PRKAG2: variants seen among roughly 807,000 people sequenced by gnomAD.
PRKAG2 encodes 5'-AMP-activated protein kinase subunit gamma-2.
Under a neutral mutation model 69.6 loss-of-function variants are expected in PRKAG2, and 26 were observed. The ratio of observed to expected loss-of-function variants is 0.37; its 90% CI spans 0.27 to 0.52. The LOEUF is 0.52. PRKAG2 is among the 20% of genes least tolerant of loss of function. PRKAG2 has a pLI of 0.90. For missense variants in PRKAG2, 557 were observed against 740.0 expected, an observed-to-expected ratio of 0.75 and a Z score of 2.87; for synonymous variants, 293 against 285.0, an observed-to-expected ratio of 1.03 and a Z score of -0.28.
chr7:151,586,673 A>G (rs1424170906), intron 6 of PRKAG2, among the ~76,000 whole-genome samples: 1 of 152,208 alleles, frequency 6.6e-6, no homozygotes, highest in East Asian at 1.9e-4. Flanking sequence ...TTTCCTTGAT[A>G]ATGAACAAAG....
At chr7:151,716,389 C>T (rs1248568166) in intron 3 of PRKAG2, among the ~76,000 whole-genome samples, 1 of 152,132 alleles carries the variant, frequency 6.6e-6, no homozygotes, top group Non-Finnish European at 1.5e-5. Flanking sequence ...ACCCTGGGCA[C>T]CTGTTAGAGA....
chr7:151,736,017 G>A (rs1448242013), intron 3 of PRKAG2: 2 of 1,536,066 alleles, frequency 1.3e-6, no homozygotes, highest in African/African-American at 2.7e-5. Flanking sequence ...CACAGGAGTG[G>A]CGACAGGTGA....
chr7:151,800,465 C>T (rs554631259), intron 1 of PRKAG2, among the ~76,000 whole-genome samples: 1 of 152,254 alleles, frequency 6.6e-6, no homozygotes, highest in South Asian at 2.1e-4. Context: ...AAGGCCTTCC[C>T]AAAACAAATT....
rs181965621 is a variant in PRKAG2, at chr7:151,587,107, C to T, written c.864+8238G>A. ...AGTGAGCCGAGATTGCGCCACTGAACTCCAGCCTGGGCGACAGAGCGAGAC... is the reference window on the plus strand; with the variant it reads ...AGTGAGCCGAGATTGCGCCACTGAATTCCAGCCTGGGCGACAGAGCGAGAC... On this transcript the variant is annotated intron_variant, in intron 6 of 15. Coordinates refer to ENST00000287878, the MANE Select transcript of PRKAG2 (RefSeq NM_016203.4). 4.2e-3 allele frequency among the ~76,000 whole-genome samples: 646 copies of T among 152,260 alleles called. 4 individuals are homozygous for T. Among genetic ancestry groups the T allele is most frequent in the African/African-American group, 0.014 (594 of 41,546 alleles).
intron 1 of PRKAG2, 56 bp from the exon 2 acceptor site, chr7:151,786,597 G>T (rs528039714): frequency 7.0e-7 from 1 of 1,431,120 alleles, no homozygotes; most frequent in African/African-American, 1.4e-5. Context: ...CCCAGGGGCT[G>T]CATGGAACTC....
Position 151,777,124 on chromosome 7 carries a change from G to A in PRKAG2, c.466+4028C>T, listed in dbSNP as rs912527342. Among the ~76,000 whole-genome samples the A allele has an allele frequency of 6.6e-5, 10 of 152,178 alleles. No homozygotes were observed. The highest frequency in any genetic ancestry group is 1.3e-4 in the Non-Finnish European group (9 of 68,024). ...TTAAGGAAAGGGTGGAGGGGAGTCT[G>A]GGAGCTTCCTCCTGTGCAGACCACA... On this transcript the variant is annotated intron_variant, in intron 3 of 15. Transcript: ENST00000287878. The surrounding 1 kb of genome is among the most constrained non-coding windows in gnomAD (Gnocchi z 4.3).
chr7:151,604,402 C>T (rs1022340029), intron 5 of PRKAG2, among the ~76,000 whole-genome samples: 5 of 152,068 alleles, frequency 3.3e-5, no homozygotes, highest in East Asian at 3.9e-4. Flanking sequence ...TTTGGGAGGC[C>T]GAGGCAGGAG....
intron 15 of PRKAG2, chr7:151,559,958 C>T (rs145496900): frequency 1.9e-5 from 19 of 985,358 alleles, no homozygotes; most frequent in Middle Eastern, 1.0e-3. Context: ...AGCCCTCTCC[C>T]GTTCTCTCTG....
intron 5 of PRKAG2, among the ~76,000 whole-genome samples, chr7:151,615,429 G>A (rs1044613095): frequency 6.6e-6 from 1 of 152,176 alleles, no homozygotes; most frequent in African/African-American, 2.4e-5. Flanking sequence ...CAGGATTAAA[G>A]ACTTAAATGT....
chr7:151,866,223 G>C lies in PRKAG2; in HGVS notation c.114+10284C>G, dbSNP rs547778343. Among the ~76,000 whole-genome samples, 146 of 152,228 alleles carry C rather than the reference G, an allele frequency of 9.6e-4. No individual in the cohort carries two copies. The Middle Eastern group carries it at 0.034, about 35-fold the overall frequency. Reference sequence around the variant, plus strand: ...TGGGCCCACCGTCCAGCCTCAGCCTGACCGTCCAGCCTCATCCCCTACCCC... The same window carrying C: ...TGGGCCCACCGTCCAGCCTCAGCCTCACCGTCCAGCCTCATCCCCTACCCC... On this transcript the variant is annotated intron_variant, in intron 1 of 15. Coordinates refer to ENST00000287878, the MANE Select transcript of PRKAG2 (RefSeq NM_016203.4).
chr7:151,600,338 A>T (rs187667540), intron 5 of PRKAG2, among the ~76,000 whole-genome samples: 32 of 152,364 alleles, frequency 2.1e-4, no homozygotes, highest in African/African-American at 7.0e-4. Flanking sequence ...TAAGCTAATT[A>T]GCAAAACAAG....
At chr7:151,802,932 A>ATC (rs2077914096) in intron 1 of PRKAG2, among the ~76,000 whole-genome samples, 1 of 110,252 alleles carries the variant, frequency 9.1e-6, no homozygotes, top group Admixed American at 9.6e-5. Flanking sequence ...TATATATGAT[A>ATC]TATATATAAG....
chr7:151,763,044 C>G (rs914753224), intron 3 of PRKAG2, among the ~76,000 whole-genome samples: 1 of 152,162 alleles, frequency 6.6e-6, no homozygotes, highest in Non-Finnish European at 1.5e-5. Context: ...CTCCCTCTAC[C>G]GGCTCCTCCC....
chr7:151,832,391 G>C (rs952556759), intron 1 of PRKAG2, among the ~76,000 whole-genome samples: 5 of 152,104 alleles, frequency 3.3e-5, no homozygotes, highest in African/African-American at 1.2e-4. Flanking sequence ...TCCGACTTCT[G>C]GGCAGTGTTC....
intron 14 of PRKAG2, among the ~76,000 whole-genome samples, chr7:151,561,933 A>G (rs111629037): frequency 0.038 from 2,851 of 74,208 alleles, 105 homozygotes; most frequent in East Asian, 0.17. Flanking sequence ...ACTGTGTCTT[A>G]AAAAAAAAAA....
In PRKAG2 at chr7:151,845,536, G is replaced by A. The variant is rs542616900; in HGVS notation, c.114+30971C>T. On this transcript the variant is annotated intron_variant, in intron 1 of 15. Coordinates refer to ENST00000287878, the MANE Select transcript of PRKAG2 (RefSeq NM_016203.4). ...AACCACCAGCCTAACTATTGTTGAG[G>A]AGGGAGGAAGCGGTGGTGGCCCCAC... Among the ~76,000 whole-genome samples, 20 of 152,294 alleles carry A rather than the reference G, an allele frequency of 1.3e-4. No individual in the cohort carries two copies. The South Asian group carries it at 3.9e-3, about 30-fold the overall frequency.
At chr7:151,584,554 G>C (rs73727861) in intron 6 of PRKAG2, among the ~76,000 whole-genome samples, 1 of 152,080 alleles carries the variant, frequency 6.6e-6, no homozygotes, top group African/African-American at 2.4e-5. Flanking sequence ...AGATCAACTC[G>C]GGGGTCTCAG....
intron 3 of PRKAG2, among the ~76,000 whole-genome samples, chr7:151,695,731 G>A (rs773603308): frequency 3.3e-5 from 5 of 152,192 alleles, no homozygotes; most frequent in African/African-American, 9.7e-5. Context: ...GCAGGGTGGC[G>A]TTGCTTCCAA....
At chr7:151,582,133 C>A (rs1428670113) in intron 6 of PRKAG2, among the ~76,000 whole-genome samples, 1 of 152,082 alleles carries the variant, frequency 6.6e-6, no homozygotes, top group East Asian at 1.9e-4. Flanking sequence ...CAGTATCGGT[C>A]CAACAGAGGG....
Sources: gnomAD v4.1 joint callset for allele counts (sites outside exome capture counted in the v4.1 genomes callset) on GRCh38, gnomAD v4.1.1 for gene constraint, Gnocchi (gnomAD v3.1) non-coding constraint, MANE v1.5 for transcripts, NCBI Gene and HGNC (gene_info 2026-07-23, HGNC 2026-07-21) for gene names.